Variants in SLC11A2 observed in about 807,000 individuals in gnomAD.
SLC11A2 encodes natural resistance-associated macrophage protein 2.
A neutral mutation model predicts 68.0 loss-of-function variants in SLC11A2; 38 were observed. The ratio of observed to expected loss-of-function variants is 0.56; its 90% CI spans 0.43 to 0.73. The LOEUF (loss-of-function observed/expected upper bound fraction) is 0.73, where lower values mean the gene tolerates loss of function less well. Ranked by LOEUF, SLC11A2 falls within the 30% of genes least tolerant of loss-of-function variation. The pLI is 0.00. For synonymous variants in SLC11A2, 242 were observed against 250.6 expected (o/e 0.97, Z 0.32); for missense variants, 517 against 690.5 (o/e 0.75, Z 2.82).
In SLC11A2 at chr12:51,004,818, A is replaced by G. The variant is rs371802864; in HGVS notation, c.399T>C (p.Leu133=). ...ARLGVVTGLH[L]AEVCHRQYPK... is the part of the protein sequence containing the mutation. ...GATACTGACGGTGACATACTTCAGC[A>G]AGATGCAGCCCAGTAACCACTCCCA... Residue 133 remains leucine (L), a synonymous_variant, in exon 5 of 16, where the codon CTT becomes CTC. Transcript: ENST00000262052. 3.7e-6 allele frequency: 6 copies of G among 1,614,104 alleles called. No homozygotes were observed. Among genetic ancestry groups the G allele is most frequent in the Non-Finnish European group, 5.1e-6 (6 of 1,179,976 alleles).
In SLC11A2 at chr12:50,992,878, C is replaced by T. The variant is rs1470867532; in HGVS notation, c.1129G>A (p.Val377Met). 2 of 1,614,128 alleles carry T rather than the reference C, an allele frequency of 1.2e-6. No individual in the cohort carries two copies. The highest frequency in any genetic ancestry group is 3.3e-5 in the Admixed American group (2 of 60,020). Reference sequence around the variant, plus strand: ...CTCTGTCCTGCAGCCAGGATCCCCACTGCCCAAATGTAGAGTGCAGCAGGC... The same window carrying T: ...CTCTGTCCTGCAGCCAGGATCCCCATTGCCCAAATGTAGAGTGCAGCAGGC... ...FGPAALYIWAVGILAAGQSST... is the reference protein window; with the variant it reads ...FGPAALYIWAMGILAAGQSST... The change falls in exon 12 of 16, where the codon GTG (valine) becomes ATG (methionine). Residue 377 changes from valine to methionine, a missense_variant. Val to Met is a conservative substitution (Grantham distance 21, BLOSUM62 1). Transcript: ENST00000262052.
At chr12:50,966,831 T>G in the SLC11A2 span, among the ~76,000 whole-genome samples, 1 of 152,092 alleles carries the variant, frequency 6.6e-6, no homozygotes, top group African/African-American at 2.4e-5. Flanking sequence ...CTTTGTGAGG[T>G]TGGGGATTGA....
intron 3 of SLC11A2, among the ~76,000 whole-genome samples, chr12:51,007,689 G>A (rs1942844985): frequency 6.6e-6 from 1 of 151,426 alleles, no homozygotes; most frequent in Non-Finnish European, 1.5e-5. Flanking sequence ...TACCCAGAGT[G>A]GAGTACCATA....
the SLC11A2 span, among the ~76,000 whole-genome samples, chr12:50,966,735 T>A: frequency 6.6e-6 from 1 of 152,188 alleles, no homozygotes; most frequent in African/African-American, 2.4e-5. Context: ...ATTTAAGTGT[T>A]CAAAGACCCA....
the SLC11A2 span, among the ~76,000 whole-genome samples, chr12:50,974,310 C>T: frequency 6.6e-6 from 1 of 152,174 alleles, no homozygotes; most frequent in South Asian, 2.1e-4. Flanking sequence ...ACTCTACAAG[C>T]CAGAAGAGAG....
At chr12:51,013,199 G>A (rs541783967) in intron 1 of SLC11A2, among the ~76,000 whole-genome samples, 5 of 151,830 alleles carry the variant, frequency 3.3e-5, no homozygotes, top group African/African-American at 7.3e-5. Flanking sequence ...TTCCTTATGC[G>A]TCAATCAGTT....
chr12:50,967,979 C>T, the SLC11A2 span, among the ~76,000 whole-genome samples: 3 of 151,906 alleles, frequency 2.0e-5, no homozygotes, highest in Non-Finnish European at 2.9e-5. Flanking sequence ...CCCAGCTACT[C>T]GGGAGGCTGA....
At chr12:50,980,085 G>A (rs1939936223), downstream of SLC11A2, 2 of 381,828 alleles carry the variant, frequency 5.2e-6, no homozygotes, top group African/African-American at 4.2e-5. Context: ...AATTAGCTGG[G>A]TGTGGTGGTG....
intron 5 of SLC11A2, among the ~76,000 whole-genome samples, chr12:51,002,893 T>G (rs867861190): frequency 6.7e-6 from 1 of 148,946 alleles, no homozygotes. Context: ...TGAGCTGAGA[T>G]CACGCCACTG....
chr12:51,015,251 G>A (rs915200013), intron 1 of SLC11A2, among the ~76,000 whole-genome samples: 3 of 148,834 alleles, frequency 2.0e-5, no homozygotes, highest in South Asian at 2.1e-4. Context: ...TGAGGCAGGC[G>A]GATCACCTGA....
Position 51,000,343 on chromosome 12 carries a change from G to T in SLC11A2, c.506C>A (p.Ala169Asp). The change falls in exon 6 of 16, where the codon GCC (alanine) becomes GAC (aspartate). Residue 169 changes from alanine to aspartate, a missense_variant. Physicochemically the swap from Ala to Asp is moderately radical, Grantham distance 126. Coordinates refer to ENST00000262052, the MANE Select transcript of SLC11A2 (RefSeq NM_000617.3). ...GSDMQEVIGSAIAINLLSVGR... is the reference protein window; with the variant it reads ...GSDMQEVIGSDIAINLLSVGR... ...TACAGACAGAAGATTGATAGCAATG[G>T]CTGAGCCAATGACTTCTTGCATGTC... is the stretch of plus-strand genomic sequence containing the variant. 3.7e-6 allele frequency: 6 copies of T among 1,613,704 alleles called. No homozygotes were observed. Among genetic ancestry groups the T allele is most frequent in the Non-Finnish European group, 5.1e-6 (6 of 1,179,612 alleles).
chr12:51,003,612 A>G (rs978056325), intron 5 of SLC11A2, among the ~76,000 whole-genome samples: 3 of 150,204 alleles, frequency 2.0e-5, no homozygotes, highest in Non-Finnish European at 4.4e-5. Flanking sequence ...TTATTACAAA[A>G]TAACTATTAA....
At chr12:51,008,290 A>C in intron 3 of SLC11A2, 186 bp downstream of exon 3, 1 of 550,786 alleles carries the variant, frequency 1.8e-6, no homozygotes, top group Non-Finnish European at 3.3e-6. Context: ...AGAGATAGAT[A>C]GATATAGATG....
chr12:50,992,954 A>G lies in SLC11A2; in HGVS notation c.1078-25T>C, dbSNP rs770076180. 3.7e-6 allele frequency: 6 copies of G among 1,613,622 alleles called. No individual in the cohort carries two copies. In the African/African-American group the frequency reaches 4.0e-5, roughly 11 times the overall value. On this transcript the variant is annotated intron_variant, in intron 11 of 15. Coordinates refer to ENST00000262052, the MANE Select transcript of SLC11A2 (RefSeq NM_000617.3). ...CCTGTGAGAGGCCAAGAGGAAGGAT[A>G]TGATTGTGGCAATAATCTGCTCAGA...
Position 50,988,175 on chromosome 12 carries a change from A to T in SLC11A2, c.*150T>A. ...AAGGAAAAAATAATTCCATCTTTCA[A>T]ATACACATGAAACAAAGTCTTTTCC... is the stretch of plus-strand genomic sequence containing the variant. On this transcript the variant is annotated 3_prime_UTR_variant, in exon 16 of 16. Transcript: ENST00000262052. The T allele has an allele frequency of 6.5e-7, 1 of 1,538,058 alleles. No homozygotes were observed. The highest frequency in any genetic ancestry group is 8.7e-7 in the Non-Finnish European group (1 of 1,143,318).
chr12:50,992,772 GGTTGT>G (rs1941301814), intron 12 of SLC11A2, 33 bp downstream of exon 12: 1 of 1,602,472 alleles, frequency 6.2e-7, no homozygotes, highest in Non-Finnish European at 8.5e-7. Flanking sequence ...GTAACAAAAG[GGTTGT>G]GTTATCTCCC....
intron 1 of SLC11A2, chr12:51,025,764 A>C: frequency 1.0e-6 from 1 of 985,794 alleles, no homozygotes; most frequent in Non-Finnish European, 1.2e-6. Context: ...CCTTAAAACC[A>C]ATCTACCCAC....
chr12:51,010,289 G>A (rs1406348879), intron 2 of SLC11A2, among the ~76,000 whole-genome samples: 6 of 152,034 alleles, frequency 3.9e-5, no homozygotes, highest in Admixed American at 6.6e-5. Flanking sequence ...AGGCTGAGAC[G>A]GGCGGATCAC....
At chr12:50,985,918 ATT>A (rs11366676), downstream of SLC11A2, 9 of 1,086,786 alleles carry the variant, frequency 8.3e-6, no homozygotes, top group Non-Finnish European at 1.0e-5. Flanking sequence ...CTGTTTCAGT[ATT>A]TTTTGTATCA....
Sources: gnomAD v4.1 joint callset for allele counts (sites outside exome capture counted in the v4.1 genomes callset) on GRCh38, gnomAD v4.1.1 for gene constraint, MANE v1.5 for transcripts, NCBI Gene and HGNC (gene_info 2026-07-23, HGNC 2026-07-21) for gene names.